SUMF1: variants seen among roughly 807,000 people sequenced by gnomAD.
The protein encoded by SUMF1 is sulfatase modifying factor 1.
SUMF1 carries 48 observed loss-of-function variants against 47.6 expected under a neutral mutation model. The observed-to-expected ratio is 1.01, with a 90% CI of 0.80 to 1.28. SUMF1 has a LOEUF of 1.28. SUMF1 is among the 50% of genes most tolerant of loss of function. The pLI, the probability that SUMF1 is intolerant of heterozygous loss-of-function variation, is 0.00. For missense variants in SUMF1, 571 were observed against 485.4 expected, an observed-to-expected ratio of 1.18 and a Z score of -1.66; for synonymous variants, 230 against 192.1, an observed-to-expected ratio of 1.20 and a Z score of -1.63.
At chr3:4,331,787 G>A (rs536808730) in intron 8 of SUMF1, among the ~76,000 whole-genome samples, 5 of 152,216 alleles carry the variant, frequency 3.3e-5, no homozygotes, top group South Asian at 2.1e-4. Context: ...CCAAGATCGC[G>A]CCACTGCACT....
intron 1 of SUMF1, among the ~76,000 whole-genome samples, chr3:4,464,120 C>A (rs1267003087): frequency 6.6e-6 from 1 of 152,148 alleles, no homozygotes; most frequent in Non-Finnish European, 1.5e-5. Context: ...CATGTCACTC[C>A]CAGATCTTAA....
At chr3:4,407,748 T>A (rs1417861598) in intron 7 of SUMF1, among the ~76,000 whole-genome samples, 1 of 152,230 alleles carries the variant, frequency 6.6e-6, no homozygotes, top group African/African-American at 2.4e-5. Flanking sequence ...GAAACTGTTT[T>A]CCTTAGAGAT....
chr3:4,188,645 CA>C (rs1290577789), intron 8 of SUMF1, among the ~76,000 whole-genome samples: 5 of 152,234 alleles, frequency 3.3e-5, no homozygotes, highest in African/African-American at 4.8e-5. Context: ...AGCTGGGAGA[CA>C]AACTACTCAG....
At chr3:4,410,773 T>G in intron 7 of SUMF1, 92 bp downstream of exon 7, 2 of 1,102,886 alleles carry the variant, frequency 1.8e-6, no homozygotes, top group Non-Finnish European at 2.8e-6. Flanking sequence ...AGTATGTAAA[T>G]ACCCCTCGGA....
intron 9 of SUMF1, among the ~76,000 whole-genome samples, chr3:4,054,590 T>C (rs564707070): frequency 6.6e-6 from 1 of 152,268 alleles, no homozygotes; most frequent in African/African-American, 2.4e-5. Context: ...ACCCTCCATT[T>C]ATCTGTCACA....
intron 8 of SUMF1, among the ~76,000 whole-genome samples, chr3:4,362,554 A>G (rs1010094075): frequency 4.6e-5 from 7 of 152,262 alleles, no homozygotes; most frequent in African/African-American, 1.7e-4. Flanking sequence ...ACATCCATAT[A>G]ATAGAAAAGT....
rs573761974 is a variant in SUMF1 at position 4,166,235 on chromosome 3, C to T, written c.1015-97490G>A. ...TCCCCTGTTAGTACTGGGACCTTAC[C>T]TTTCTCCTATAAGATGATATGCCTC... On this transcript the variant is annotated intron_variant and NMD_transcript_variant, in intron 8 of 12. Coordinates refer to the SUMF1 transcript ENST00000448413. Among the ~76,000 whole-genome samples, 3 of 152,232 alleles carry T rather than the reference C, an allele frequency of 2.0e-5. No homozygotes were observed. In the East Asian group the frequency reaches 5.8e-4, roughly 29 times the overall value.
intron 8 of SUMF1, among the ~76,000 whole-genome samples, chr3:4,239,329 A>G (rs909694471): frequency 2.0e-5 from 3 of 152,148 alleles, no homozygotes; most frequent in Non-Finnish European, 4.4e-5. Context: ...TGGTGGCTTG[A>G]CGGGGATAGC....
chr3:4,036,260 A>T (rs1694793541), intron 9 of SUMF1, among the ~76,000 whole-genome samples: 1 of 152,180 alleles, frequency 6.6e-6, no homozygotes, highest in African/African-American at 2.4e-5. Context: ...ACACATGGAG[A>T]CCTCATGTTT....
chr3:4,346,530 A>G (rs943906135), intron 8 of SUMF1, among the ~76,000 whole-genome samples: 1 of 152,108 alleles, frequency 6.6e-6, no homozygotes, highest in Non-Finnish European at 1.5e-5. Context: ...GCTAAAACAG[A>G]GTTAAGAGGG....
intron 9 of SUMF1, among the ~76,000 whole-genome samples, chr3:4,066,327 A>C (rs1383541858): frequency 1.3e-5 from 2 of 152,176 alleles, no homozygotes; most frequent in Non-Finnish European, 2.9e-5. Flanking sequence ...TTTTCATGAA[A>C]ATATGAGAGT....
chr3:4,420,111 G>T lies in SUMF1; in HGVS notation c.555C>A (p.Gly185=). Residue 185 remains glycine (G), a synonymous_variant, in exon 4 of 9, where the codon GGC becomes GGA. Transcript: ENST00000272902. ...GCCCTTCTGGGTGTCTCCAGTTAGC[G>T]CCTTTCACAGGTAACCACCAGGGAG... ...AAAPWWLPVK[G]ANWRHPEGPD... is the part of the protein sequence containing the mutation. 1 of 1,614,018 alleles carries T rather than the reference G, an allele frequency of 6.2e-7. No homozygotes were observed. The highest frequency in any genetic ancestry group is 8.5e-7 in the Non-Finnish European group (1 of 1,179,982).
At chr3:4,201,113 T>G (rs1004621286) in intron 8 of SUMF1, among the ~76,000 whole-genome samples, 1 of 152,136 alleles carries the variant, frequency 6.6e-6, no homozygotes. Flanking sequence ...CATCACCTCA[T>G]GCATTTATCA....
chr3:4,202,616 A>G (rs1473606124), intron 8 of SUMF1, among the ~76,000 whole-genome samples: 3 of 151,906 alleles, frequency 2.0e-5, no homozygotes, highest in African/African-American at 2.4e-5. Context: ...TATGAATTTT[A>G]TGATTATTTT....
intron 8 of SUMF1, among the ~76,000 whole-genome samples, chr3:4,157,278 A>G (rs551465940): frequency 5.3e-5 from 8 of 151,522 alleles, no homozygotes; most frequent in Non-Finnish European, 7.4e-5. Flanking sequence ...CATGTTCCTT[A>G]AGCTAGTAAC....
At chr3:4,392,615 G>GTGTGTA (rs1433132957) in intron 7 of SUMF1, among the ~76,000 whole-genome samples, 18 of 96,104 alleles carry the variant, frequency 1.9e-4, no homozygotes, top group Middle Eastern at 4.6e-3. Context: ...GTGTGTGTGT[G>GTGTGTA]TATATATATA....
downstream of SUMF1, among the ~76,000 whole-genome samples, chr3:4,356,670 G>A (rs1699626303): frequency 6.6e-6 from 1 of 152,044 alleles, no homozygotes; most frequent in Non-Finnish European, 1.5e-5. Context: ...CGGGGCTGCA[G>A]AAGCAATTTA....
chr3:4,341,580 C>G (rs1699273931), intron 8 of SUMF1, among the ~76,000 whole-genome samples: 1 of 151,890 alleles, frequency 6.6e-6, no homozygotes, highest in African/African-American at 2.4e-5. Context: ...TTTTAAGAGA[C>G]TTACAAGGCT....
intron 3 of SUMF1, among the ~76,000 whole-genome samples, chr3:4,442,638 G>GAAAAAAAAAAAAAAAAAAAAAAAAAAAA (rs61296884): frequency 3.3e-5 from 2 of 61,292 alleles, no homozygotes; most frequent in Admixed American, 1.9e-4. Flanking sequence ...AGAGAAAAAG[G>GAAAAAAAAAAAAAAAAAAAAAAAAAAAA]AAAAAAAAAA....
Sources: allele counts gnomAD v4.1 joint callset (sites outside exome capture counted in the v4.1 genomes callset), GRCh38; gene constraint gnomAD v4.1.1; transcripts MANE v1.5; gene names NCBI Gene and HGNC (gene_info 2026-07-23, HGNC 2026-07-21).